The following LHFPL3 variants were observed in gnomAD, a reference collection of about 807,000 sequenced individuals.
The protein encoded by LHFPL3 is LHFPL tetraspan subfamily member 3.
LHFPL3 carries 5 observed loss-of-function variants against 19.3 expected under a neutral mutation model. The observed-to-expected ratio is 0.26, with a 90% CI of 0.14 to 0.54. LHFPL3 has a LOEUF of 0.54. LHFPL3 is among the 20% of genes least tolerant of loss of function. The pLI, the probability that LHFPL3 is intolerant of heterozygous loss-of-function variation, is 0.94. For missense variants in LHFPL3, 249 were observed against 307.4 expected (o/e 0.81, Z 1.42); for synonymous variants, 133 against 126.2 (o/e 1.05, Z -0.36).
intron 1 of LHFPL3, among the ~76,000 whole-genome samples, chr7:104,518,739 ACACCACTGCACT>A (rs1328264145): frequency 3.3e-5 from 5 of 152,064 alleles, no homozygotes; most frequent in African/African-American, 4.8e-5. Flanking sequence ...AGCTGAGATT[ACACCACTGCACT>A]CCAACCTGGG....
At chr7:104,787,679 T>C (rs1324169743) in intron 2 of LHFPL3, among the ~76,000 whole-genome samples, 2 of 152,010 alleles carry the variant, frequency 1.3e-5, no homozygotes, top group Non-Finnish European at 2.9e-5. Flanking sequence ...GTCTCCTGAG[T>C]AGCTGGGAGT....
intron 1 of LHFPL3, among the ~76,000 whole-genome samples, chr7:104,354,419 T>C (rs1790234993): frequency 1.3e-5 from 2 of 152,206 alleles, no homozygotes; most frequent in Non-Finnish European, 2.9e-5. Flanking sequence ...AGGGCACACA[T>C]ATGCTAACTT....
At position 104,399,888 on chromosome 7, in the gene LHFPL3, G is replaced by A. The variant is rs904305788; in HGVS notation, c.445+70664G>A. On this transcript the variant is annotated intron_variant, in intron 1 of 2. Coordinates refer to ENST00000424859, the MANE Select transcript of LHFPL3 (RefSeq NM_199000.3). This position sits in a 1 kb window ranked among gnomAD's most constrained non-coding sequence, Gnocchi z 4.4. ...CAGGGAGCCGAGGCAGGTGGATCAC[G>A]TGAGGTCGAGTTTGAGACCAGCCTG... 6.0e-5 allele frequency among the ~76,000 whole-genome samples: 9 copies of A among 151,154 alleles called. No individual in the cohort carries two copies. The highest frequency in any genetic ancestry group is 2.1e-4 in the South Asian group (1 of 4,782).
At chr7:104,584,628 A>C (rs1249298182) in intron 1 of LHFPL3, among the ~76,000 whole-genome samples, 1 of 152,176 alleles carries the variant, frequency 6.6e-6, no homozygotes, top group African/African-American at 2.4e-5. Context: ...TATATATCAA[A>C]CTAGAAGACT....
chr7:104,533,813 C>G (rs138057684), intron 1 of LHFPL3, among the ~76,000 whole-genome samples: 2 of 152,268 alleles, frequency 1.3e-5, no homozygotes, highest in East Asian at 3.9e-4. Flanking sequence ...GCTTCTTGGA[C>G]TTCTACCTCC....
At chr7:104,357,786 C>T (rs1176341707) in intron 1 of LHFPL3, among the ~76,000 whole-genome samples, 1 of 151,678 alleles carries the variant, frequency 6.6e-6, no homozygotes, top group African/African-American at 2.4e-5. Flanking sequence ...TTCTCCTGCT[C>T]CTCCTTCTCC....
chr7:104,861,869 T>G (rs1479226367), intron 2 of LHFPL3, among the ~76,000 whole-genome samples: 1 of 152,156 alleles, frequency 6.6e-6, no homozygotes, highest in African/African-American at 2.4e-5. Context: ...CAGAGGTTAT[T>G]CTCTCCAACA....
intron 1 of LHFPL3, among the ~76,000 whole-genome samples, chr7:104,525,603 T>TG (rs1465883433): frequency 9.0e-5 from 11 of 122,626 alleles, no homozygotes; most frequent in African/African-American, 3.4e-4. Flanking sequence ...TTTTGTTTTT[T>TG]GGGTTTTTTT....
intron 1 of LHFPL3, among the ~76,000 whole-genome samples, chr7:104,463,630 T>C (rs1584337230): frequency 1.3e-5 from 2 of 152,270 alleles, no homozygotes; most frequent in Middle Eastern, 3.4e-3. Flanking sequence ...CACATCCTTC[T>C]TCACATGGCA....
chr7:104,715,665 CATTATTCTG>C (rs1292545983), intron 1 of LHFPL3, among the ~76,000 whole-genome samples: 1 of 152,018 alleles, frequency 6.6e-6, no homozygotes, highest in African/African-American at 2.4e-5. Flanking sequence ...GATTTTTATC[CATTATTCTG>C]TTATTGTGGC....
Position 104,515,144 on chromosome 7 carries a change from A to G in LHFPL3, c.445+185920A>G, listed in dbSNP as rs532270834. The stretch of plus-strand genomic sequence containing the variant: ...ATGGTGCTATGTGAGATATGGTTAA[A>G]TTGGGAATTAATAAAAATTTACTCT... On this transcript the variant is annotated intron_variant, in intron 1 of 2. Coordinates refer to ENST00000424859, the MANE Select transcript of LHFPL3 (RefSeq NM_199000.3). Among the ~76,000 whole-genome samples, 4 of 152,300 alleles carry G rather than the reference A, an allele frequency of 2.6e-5. No homozygotes were observed. In the South Asian group the frequency reaches 8.3e-4, roughly 32 times the overall value.
chr7:104,490,049 C>T (rs751633124), intron 1 of LHFPL3, among the ~76,000 whole-genome samples: 1 of 152,174 alleles, frequency 6.6e-6, no homozygotes, highest in Non-Finnish European at 1.5e-5. Context: ...GAGGGACTGG[C>T]ACCAAGACCT....
chr7:104,872,759 C>A (rs1451121893), intron 2 of LHFPL3, among the ~76,000 whole-genome samples: 3 of 152,202 alleles, frequency 2.0e-5, no homozygotes, highest in African/African-American at 7.2e-5. Flanking sequence ...GAGCTGTCAT[C>A]TTCTATGATA....
rs180744253 is a variant in LHFPL3, at chr7:104,407,387, T to A, written c.445+78163T>A. Among the ~76,000 whole-genome samples the A allele has an allele frequency of 2.6e-5, 4 of 152,316 alleles. No homozygotes were observed. The East Asian group carries it at 7.7e-4, about 29-fold the overall frequency. On this transcript the variant is annotated intron_variant, in intron 1 of 2. Coordinates refer to ENST00000424859, the MANE Select transcript of LHFPL3 (RefSeq NM_199000.3). ...AAGAGAACCTTCTGGCTGGGCGTGG[T>A]GGCTCATGCCTATAATCCCAGCACC...
chr7:104,846,545 C>T (rs1046191750), intron 2 of LHFPL3, among the ~76,000 whole-genome samples: 3 of 150,592 alleles, frequency 2.0e-5, no homozygotes, highest in Non-Finnish European at 4.4e-5. Flanking sequence ...CTCCAGATCC[C>T]TTAATTCATA....
At chr7:104,829,389 T>C (rs1452465755) in intron 2 of LHFPL3, among the ~76,000 whole-genome samples, 4 of 151,764 alleles carry the variant, frequency 2.6e-5, no homozygotes, top group African/African-American at 7.3e-5. Context: ...TGCAAATTAC[T>C]TACATATGTA....
intron 1 of LHFPL3, among the ~76,000 whole-genome samples, chr7:104,494,026 A>C (rs1793409590): frequency 6.6e-6 from 1 of 152,212 alleles, no homozygotes; most frequent in African/African-American, 2.4e-5. Context: ...TATTAAAATT[A>C]ATTTCATCTC....
At chr7:104,474,687 C>A (rs13226169) in intron 1 of LHFPL3, among the ~76,000 whole-genome samples, 6,964 of 39,332 alleles carry the variant, frequency 0.18, 554 homozygotes, top group African/African-American at 0.33. Context: ...ACAACAACAA[C>A]AAAAAAAAAA....
chr7:104,384,155 T>A (rs894194724), intron 1 of LHFPL3, among the ~76,000 whole-genome samples: 1 of 151,774 alleles, frequency 6.6e-6, no homozygotes, highest in Non-Finnish European at 1.5e-5. Context: ...CTACTGGGGG[T>A]GCTGAGTATG....
Sources: allele counts gnomAD v4.1 joint callset (sites outside exome capture counted in the v4.1 genomes callset), GRCh38; gene constraint gnomAD v4.1.1; non-coding constraint Gnocchi (gnomAD v3.1); transcripts MANE v1.5; gene names NCBI Gene and HGNC (gene_info 2026-07-23, HGNC 2026-07-21).